Variants in KHDRBS2 observed in about 807,000 individuals in gnomAD.
KHDRBS2 encodes the protein KH RNA binding domain containing, signal transduction associated 2, also known as KH domain-containing, RNA-binding, signal transduction-associated protein 2.
Under a neutral mutation model 44.3 loss-of-function variants are expected in KHDRBS2, and 26 were observed. That is an observed-to-expected ratio of 0.59 (90% CI 0.43 to 0.81). KHDRBS2 has a LOEUF of 0.81. Among genes scored for constraint, KHDRBS2 ranks in the 40% least tolerant of loss-of-function variants. The pLI is 0.00. For missense variants in KHDRBS2, 476 were observed against 433.1 expected (o/e 1.10, Z -0.88); for synonymous variants, 194 against 151.1 (o/e 1.28, Z -2.08).
chr6:62,006,967 T>A (rs964996600), intron 3 of KHDRBS2, among the ~76,000 whole-genome samples: 2 of 152,034 alleles, frequency 1.3e-5, no homozygotes, highest in South Asian at 2.1e-4. Context: ...GTTAAAAAAA[T>A]TTCAGGTCAT....
At chr6:61,776,794 A>T (rs1034965390) in intron 6 of KHDRBS2, among the ~76,000 whole-genome samples, 2 of 152,222 alleles carry the variant, frequency 1.3e-5, no homozygotes, top group Admixed American at 1.3e-4. Context: ...TTGGGTATAT[A>T]CCCAAAGGAC....
chr6:61,598,773 G>A, the KHDRBS2 span, among the ~76,000 whole-genome samples: 2 of 148,016 alleles, frequency 1.4e-5, no homozygotes, highest in Non-Finnish European at 3.0e-5. Context: ...TCAAAGCTAG[G>A]CTGCAGCAGT....
At chr6:61,895,614 A>T (rs1303668692) in intron 5 of KHDRBS2, among the ~76,000 whole-genome samples, 1 of 152,208 alleles carries the variant, frequency 6.6e-6, no homozygotes, top group Admixed American at 6.5e-5. Flanking sequence ...TGTAAGATCA[A>T]ATGGTTGTGG....
intron 6 of KHDRBS2, among the ~76,000 whole-genome samples, chr6:61,796,046 T>A (rs1397076791): frequency 2.0e-5 from 3 of 152,078 alleles, no homozygotes; most frequent in Admixed American, 6.6e-5. Context: ...CTGACCCCAA[T>A]CAATTGTGTT....
At chr6:61,851,279 GTA>G (rs1318402351) in intron 6 of KHDRBS2, among the ~76,000 whole-genome samples, 11 of 151,620 alleles carry the variant, frequency 7.3e-5, no homozygotes, top group African/African-American at 1.9e-4. Flanking sequence ...ATATGTGTGT[GTA>G]TATGTGTGTG....
At chr6:61,864,626 G>C (rs1316786919) in intron 6 of KHDRBS2, among the ~76,000 whole-genome samples, 1 of 152,098 alleles carries the variant, frequency 6.6e-6, no homozygotes, top group Non-Finnish European at 1.5e-5. Context: ...TTCCTTGAGA[G>C]GTCTGCTGTT....
At chr6:61,885,033 TAACA>T (rs1035056505) in intron 6 of KHDRBS2, among the ~76,000 whole-genome samples, 1 of 152,048 alleles carries the variant, frequency 6.6e-6, no homozygotes, top group African/African-American at 2.4e-5. Context: ...AGAAAAGCAA[TAACA>T]AACAACTGTA....
chr6:62,234,371 T>C (rs1163456424), intron 1 of KHDRBS2, among the ~76,000 whole-genome samples: 1 of 152,144 alleles, frequency 6.6e-6, no homozygotes, highest in Admixed American at 6.6e-5. Context: ...AATCTGCATA[T>C]GAAAGGTCAA....
intron 7 of KHDRBS2, among the ~76,000 whole-genome samples, chr6:61,708,862 G>A (rs1464755941): frequency 3.3e-5 from 5 of 151,566 alleles, no homozygotes; most frequent in South Asian, 4.2e-4. Flanking sequence ...GGAGAATAGC[G>A]AAGTCTCCAT....
chr6:62,004,023 T>C (rs985790722), intron 3 of KHDRBS2, among the ~76,000 whole-genome samples: 2 of 152,174 alleles, frequency 1.3e-5, no homozygotes, highest in African/African-American at 4.8e-5. Context: ...GGGAAATTTA[T>C]AGCACTAAAT....
chr6:61,929,581 T>G (rs1228706556), intron 4 of KHDRBS2, among the ~76,000 whole-genome samples: 2 of 152,098 alleles, frequency 1.3e-5, no homozygotes, highest in Non-Finnish European at 2.9e-5. Context: ...CCAGAGATAT[T>G]AAGAAGATTC....
At chr6:62,169,730 A>G (rs1486820658) in intron 2 of KHDRBS2, among the ~76,000 whole-genome samples, 1 of 152,004 alleles carries the variant, frequency 6.6e-6, no homozygotes, top group Non-Finnish European at 1.5e-5. Flanking sequence ...GCATTACACC[A>G]CACACTTCTA....
At chr6:61,932,070 G>A (rs1282172685) in intron 4 of KHDRBS2, among the ~76,000 whole-genome samples, 1 of 151,958 alleles carries the variant, frequency 6.6e-6, no homozygotes, top group Non-Finnish European at 1.5e-5. Flanking sequence ...TGACATTTTT[G>A]TGTTTATGTT....
intron 6 of KHDRBS2, among the ~76,000 whole-genome samples, chr6:61,773,560 T>G (rs1454771547): frequency 1.3e-5 from 2 of 149,466 alleles, no homozygotes; most frequent in African/African-American, 4.9e-5. Flanking sequence ...GTCAGAAGAG[T>G]AGGTTGCAAA....
the KHDRBS2 span, among the ~76,000 whole-genome samples, chr6:61,560,717 C>T: frequency 1.3e-5 from 2 of 152,136 alleles, no homozygotes; most frequent in East Asian, 1.9e-4. Flanking sequence ...AATTCCTTCT[C>T]TATGGTATCT....
the KHDRBS2 span, among the ~76,000 whole-genome samples, chr6:61,671,570 A>G: frequency 1.3e-5 from 2 of 151,776 alleles, no homozygotes; most frequent in Admixed American, 6.6e-5. Flanking sequence ...TAATTTCTAC[A>G]TAAAGAGACT....
chr6:62,231,014 TA>T (rs1256405126), intron 1 of KHDRBS2, among the ~76,000 whole-genome samples: 1 of 152,210 alleles, frequency 6.6e-6, no homozygotes, highest in Non-Finnish European at 1.5e-5. Flanking sequence ...ACATTTGAGT[TA>T]TTAAACACAT....
At chr6:61,929,414 A>T (rs987444800) in intron 4 of KHDRBS2, among the ~76,000 whole-genome samples, 3 of 152,180 alleles carry the variant, frequency 2.0e-5, no homozygotes, top group African/African-American at 7.2e-5. Context: ...GGCTTAAGGA[A>T]TATTTTATTA....
At chr6:62,182,526 C>A (rs1822541249) in intron 1 of KHDRBS2, among the ~76,000 whole-genome samples, 1 of 151,840 alleles carries the variant, frequency 6.6e-6, no homozygotes, top group Non-Finnish European at 1.5e-5. Context: ...TAGATAATGA[C>A]TATGGTATTG....
Sources: gnomAD v4.1 joint callset for allele counts (sites outside exome capture counted in the v4.1 genomes callset) on GRCh38, gnomAD v4.1.1 for gene constraint, MANE v1.5 for transcripts, NCBI Gene and HGNC (gene_info 2026-07-23, HGNC 2026-07-21) for gene names.